Variants in ANGPT2 observed in about 807,000 individuals in gnomAD.
ANGPT2 encodes the protein angiopoietin 2, also known as angiopoietin-2.
Under a neutral mutation model 62.9 loss-of-function variants are expected in ANGPT2, and 28 were observed. The ratio of observed to expected loss-of-function variants is 0.44; its 90% CI spans 0.33 to 0.61. The LOEUF (loss-of-function observed/expected upper bound fraction) is 0.61. Ranked by LOEUF, ANGPT2 falls within the 20% of genes least tolerant of loss-of-function variation. The pLI is 0.03. For missense variants in ANGPT2, 727 were observed against 594.9 expected (o/e 1.22, Z -2.31); for synonymous variants, 284 against 207.8 (o/e 1.37, Z -3.15).
In ANGPT2 at chr8:6,499,691, T is replaced by C. The variant is rs1811775763; in HGVS notation, c.*3410A>G. 1.6e-6 allele frequency: 1 copy of C among 637,488 alleles called. No individual in the cohort carries two copies. The highest frequency in any genetic ancestry group is 1.8e-5 in the African/African-American group (1 of 55,074). 39.5% of individuals were successfully genotyped at this position (637,488 alleles called of 1,614,324 possible). On this transcript the variant is annotated 3_prime_UTR_variant, in exon 9 of 9. Coordinates refer to ENST00000629816, the MANE Select transcript of ANGPT2 (RefSeq NM_001118887.2). ...TTTTTATTAATATTCATAACATTTA[T>C]GCAACATGAAGATTCTGAAGGGACT...
At chr8:6,535,317 C>G (rs1449284808) in intron 1 of ANGPT2, among the ~76,000 whole-genome samples, 5 of 152,124 alleles carry the variant, frequency 3.3e-5, no homozygotes, top group Non-Finnish European at 4.4e-5. Context: ...AACTTAAAGT[C>G]AAATTCCAAT....
rs1411191785 is a variant in ANGPT2, at chr8:6,503,018, C to G, written c.*83G>C. ...ACGCCCTCTGTGGTGGAAGAGGACACAGTGCGCAGCCGTGACTTTCAGTGC... is the reference window on the plus strand; with the variant it reads ...ACGCCCTCTGTGGTGGAAGAGGACAGAGTGCGCAGCCGTGACTTTCAGTGC... On this transcript the variant is annotated 3_prime_UTR_variant, in exon 9 of 9. Coordinates refer to ENST00000629816, the MANE Select transcript of ANGPT2 (RefSeq NM_001118887.2). The G allele has an allele frequency of 2.0e-6, 3 of 1,518,346 alleles. No homozygotes were observed. The South Asian group carries it at 3.7e-5, about 19-fold the overall frequency. 94.1% of individuals were successfully genotyped at this position (1,518,346 alleles called of 1,614,324 possible). A position where few individuals can be genotyped will look rare whatever the true frequency, so the allele number is the denominator to read the frequency against.
Position 6,519,926 on chromosome 8 carries a change from A to C in ANGPT2, c.865T>G (p.Ser289Ala). 1 of 1,613,314 alleles carries C rather than the reference A, an allele frequency of 6.2e-7. No individual in the cohort carries two copies. The highest frequency in any genetic ancestry group is 1.1e-5 in the South Asian group (1 of 90,928). ...TAGATGCCATTCGTGGTGTGTCCTG[A>C]TTTGAATACTTCAGCACAGTCTCTG... ...SFRDCAEVFK[S>A]GHTTNGIYTL... is the part of the protein sequence containing the mutation. The change falls in exon 5 of 9, where the codon TCA becomes GCA. Residue 289 changes from serine (S) to alanine (A), a missense_variant. Transcript: ENST00000629816.
At chr8:6,551,909 T>C (rs1823716138) in intron 1 of ANGPT2, among the ~76,000 whole-genome samples, 1 of 152,212 alleles carries the variant, frequency 6.6e-6, no homozygotes, top group African/African-American at 2.4e-5. Context: ...GCTACATCTG[T>C]ATGTAATAAT....
In ANGPT2 at chr8:6,502,885, A is replaced by G. The variant is rs375469076; in HGVS notation, c.*216T>C. The G allele has an allele frequency of 5.1e-5, 28 of 550,240 alleles. No homozygotes were observed. The highest frequency in any genetic ancestry group is 4.8e-4 in the Middle Eastern group (1 of 2,102). 34.1% of individuals were successfully genotyped at this position (550,240 alleles called of 1,614,324 possible). A position where few individuals can be genotyped will look rare whatever the true frequency, so the allele number is the denominator to read the frequency against. On this transcript the variant is annotated 3_prime_UTR_variant, in exon 9 of 9. Transcript: ENST00000629816. ...TGCATAGGTGTTCTGTCTAATCACA[A>G]TTATGGATGTTTAGGGTCTTGCTTT...
At chr8:6,523,759 T>G (rs894706426) in intron 3 of ANGPT2, among the ~76,000 whole-genome samples, 4 of 152,182 alleles carry the variant, frequency 2.6e-5, no homozygotes, top group Non-Finnish European at 5.9e-5. Context: ...AGCTAATTTT[T>G]TGTATTTTTA....
intron 1 of ANGPT2, among the ~76,000 whole-genome samples, chr8:6,542,887 T>C (rs759098392): frequency 4.6e-5 from 7 of 152,224 alleles, no homozygotes. Context: ...GAAACTTAGA[T>C]GATTTTCTAA....
chr8:6,532,730 A>G (rs1031981312), intron 1 of ANGPT2, among the ~76,000 whole-genome samples: 29 of 152,166 alleles, frequency 1.9e-4, no homozygotes, highest in African/African-American at 5.8e-4. Flanking sequence ...GAGACAAGCT[A>G]CTGGTTGCTT....
chr8:6,531,314 A>T (rs1819469989), intron 2 of ANGPT2, among the ~76,000 whole-genome samples: 1 of 146,030 alleles, frequency 6.8e-6, no homozygotes, highest in African/African-American at 2.6e-5. Context: ...TTTGAGTTGA[A>T]GTCTCACTCT....
intron 3 of ANGPT2, among the ~76,000 whole-genome samples, chr8:6,525,089 T>C (rs180744805): frequency 2.0e-5 from 3 of 152,380 alleles, no homozygotes; most frequent in Admixed American, 1.3e-4. Flanking sequence ...CCACCTTTTT[T>C]TGACAGTAAC....
At chr8:6,514,539 G>T in intron 6 of ANGPT2, 138 bp downstream of exon 6, 1 of 732,934 alleles carries the variant, frequency 1.4e-6, no homozygotes. Flanking sequence ...TCTTTAAAGG[G>T]GAGACTGAAG....
In ANGPT2 at chr8:6,509,053, A is replaced by G. The variant is rs57118748; in HGVS notation, c.1206T>C (p.Leu402=). Residue 402 remains leucine, a synonymous_variant, in exon 8 of 9, where the codon CTT becomes CTC. Transcript: ENST00000629816. ...SSEELNYRIH[L]KGLTGTAGKI... ...TGCCGGCTGTCCCTGTAAGTCCTTT[A>G]AGGTGAATCCTGTAAGCGTGCAAAG... The G allele has an allele frequency of 2.6e-3, 4,123 of 1,613,992 alleles. 98 individuals are homozygous for G. The South Asian group carries it at 0.036, about 14-fold the overall frequency.
chr8:6,533,473 G>A (rs889249197), intron 1 of ANGPT2, among the ~76,000 whole-genome samples: 2 of 151,492 alleles, frequency 1.3e-5, no homozygotes, highest in Non-Finnish European at 2.9e-5. Flanking sequence ...GTAAAATAGG[G>A]TTTCTGGTTG....
chr8:6,508,694 G>C, intron 8 of ANGPT2: 1 of 612,862 alleles, frequency 1.6e-6, no homozygotes, highest in East Asian at 2.7e-5. Context: ...CCTTGCCAGG[G>C]CTAGGTCCTG....
In ANGPT2 at chr8:6,562,840, T is replaced by G; in HGVS notation, c.95A>C (p.Lys32Thr). Residue 32 changes from lysine to threonine, a missense_variant, in exon 1 of 9, where the codon AAG becomes ACG. Coordinates refer to ENST00000629816, the MANE Select transcript of ANGPT2 (RefSeq NM_001118887.2). ...FRKSMDSIGK[K>T]QYQVQHGSCS... ...GGACCCATGCTGGACCTGATATTGC[T>G]TCTTTCCTATGCTGTCCATGCTCTT... 6.2e-7 allele frequency: 1 copy of G among 1,613,984 alleles called. No individual in the cohort carries two copies. The highest frequency in any genetic ancestry group is 8.5e-7 in the Non-Finnish European group (1 of 1,179,992).
At chr8:6,505,251 T>TATGTATATATAGAA (rs1563305171) in intron 8 of ANGPT2, among the ~76,000 whole-genome samples, 2 of 82,210 alleles carry the variant, frequency 2.4e-5, no homozygotes, top group African/African-American at 5.0e-5. Context: ...TATATATTCT[T>TATGTATATATAGAA]TATATATGTT....
At chr8:6,526,841 G>A (rs1818435604) in intron 3 of ANGPT2, among the ~76,000 whole-genome samples, 1 of 152,148 alleles carries the variant, frequency 6.6e-6, no homozygotes, top group Non-Finnish European at 1.5e-5. Flanking sequence ...TGTCCCAAGT[G>A]GAACAGACAT....
intron 7 of ANGPT2, among the ~76,000 whole-genome samples, chr8:6,510,272 T>C (rs1814778310): frequency 1.3e-5 from 2 of 152,038 alleles, no homozygotes; most frequent in Non-Finnish European, 2.9e-5. Context: ...GGGTATGCCA[T>C]GTTGGCACGT....
chr8:6,518,251 C>A (rs905215079), intron 5 of ANGPT2, among the ~76,000 whole-genome samples: 2 of 152,150 alleles, frequency 1.3e-5, no homozygotes, highest in African/African-American at 2.4e-5. Context: ...CACTCCTGTC[C>A]CCAGGCCAAG....
Sources: allele counts gnomAD v4.1 joint callset (sites outside exome capture counted in the v4.1 genomes callset), GRCh38; gene constraint gnomAD v4.1.1; transcripts MANE v1.5; gene names NCBI Gene and HGNC (gene_info 2026-07-23, HGNC 2026-07-21).